Variants in ARMC2 observed in about 807,000 individuals in gnomAD.
ARMC2 encodes armadillo repeat-containing protein 2.
ARMC2 carries 67 observed loss-of-function variants against 90.3 expected under a neutral mutation model. That is an observed-to-expected ratio of 0.74 (90% CI 0.61 to 0.91). The LOEUF (loss-of-function observed/expected upper bound fraction) is 0.91. ARMC2 is among the 40% of genes least tolerant of loss of function. The pLI is 0.00. For synonymous variants in ARMC2, 393 were observed against 393.0 expected (o/e 1.00, Z 0.00); for missense variants, 920 against 1,030.9 (o/e 0.89, Z 1.47).
chr6:108,868,594 C>T (rs1175725345), intron 3 of ARMC2, among the ~76,000 whole-genome samples: 1 of 152,148 alleles, frequency 6.6e-6, no homozygotes, highest in African/African-American at 2.4e-5. Flanking sequence ...GGTAATAGCA[C>T]AGCAGAGTAG....
chr6:109,009,804 C>T, the ARMC2 span, among the ~76,000 whole-genome samples: 1 of 152,094 alleles, frequency 6.6e-6, no homozygotes, highest in African/African-American at 2.4e-5. Flanking sequence ...GGTGAGCGTG[C>T]ACTGTCAGGA....
At chr6:108,980,713 T>A in the ARMC2 span, among the ~76,000 whole-genome samples, 1 of 152,058 alleles carries the variant, frequency 6.6e-6, no homozygotes, top group South Asian at 2.1e-4. Flanking sequence ...AGAGGAGGAA[T>A]CTAGAGAGGC....
chr6:109,000,546 T>C, the ARMC2 span: 1 of 1,611,260 alleles, frequency 6.2e-7, no homozygotes, highest in Non-Finnish European at 8.5e-7. Context: ...TTTGTTAAGT[T>C]CTCCTAAATT....
intron 1 of ARMC2, 91 bp downstream of exon 1, chr6:108,848,637 C>T (rs1193917489): frequency 6.6e-6 from 1 of 152,536 alleles, no homozygotes. Flanking sequence ...CGGCCTGGCC[C>T]TGCGGTCTGG....
Position 108,889,215 on chromosome 6 carries a change from G to A in ARMC2, c.672-5252G>A, listed in dbSNP as rs889838292. The stretch of plus-strand genomic sequence containing the variant: ...AGGCTGGAGTGAAGTGTGCAATCTC[G>A]GCTCATTGCAACTTCTGCCCCCTGG... On this transcript the variant is annotated intron_variant, in intron 5 of 17. Coordinates refer to ENST00000392644, the MANE Select transcript of ARMC2 (RefSeq NM_032131.6). 2.6e-5 allele frequency among the ~76,000 whole-genome samples: 4 copies of A among 151,988 alleles called. No individual in the cohort carries two copies. The East Asian group carries it at 5.8e-4, about 22-fold the overall frequency.
At chr6:109,030,207 A>G in the ARMC2 span, among the ~76,000 whole-genome samples, 1 of 152,230 alleles carries the variant, frequency 6.6e-6, no homozygotes, top group African/African-American at 2.4e-5. Context: ...GTACATAACA[A>G]GAAAGCCATT....
chr6:108,893,071 T>C (rs2128456314), intron 5 of ARMC2, among the ~76,000 whole-genome samples: 1 of 152,366 alleles, frequency 6.6e-6, no homozygotes, highest in South Asian at 2.1e-4. Context: ...TTTGTGCACA[T>C]ATTTAAAAGT....
chr6:108,978,388 A>T (rs1331772886), downstream of ARMC2, among the ~76,000 whole-genome samples: 1 of 152,064 alleles, frequency 6.6e-6, no homozygotes, highest in Non-Finnish European at 1.5e-5. Context: ...GTTCTTTTCC[A>T]TCTGCTGAGG....
chr6:109,045,168 C>A, the ARMC2 span, among the ~76,000 whole-genome samples: 1 of 152,168 alleles, frequency 6.6e-6, no homozygotes, highest in East Asian at 1.9e-4. Context: ...TAGCTAGGCT[C>A]CTCTGACACC....
the ARMC2 span, among the ~76,000 whole-genome samples, chr6:109,007,923 G>A: frequency 1.3e-5 from 2 of 151,536 alleles, no homozygotes; most frequent in Non-Finnish European, 2.9e-5. Flanking sequence ...TCTTGAAAGT[G>A]TTTAATTTAA....
At position 108,928,186 on chromosome 6, in the gene ARMC2, G is replaced by A. The variant is rs776371385; in HGVS notation, c.1449G>A (p.Gln483=). The part of the protein sequence containing the change: ...ALPQLCTAME[Q]YKGDKDVCTN... ...CCCAGCTCTGCACGGCAATGGAACA[G>A]TACAAGGGTGACAAGGACGTCTGTA... Residue 483 remains glutamine, a synonymous_variant, in exon 11 of 18, where the codon CAG becomes CAA. Transcript: ENST00000392644. 4 of 1,598,504 alleles carry A rather than the reference G, an allele frequency of 2.5e-6. No homozygotes were observed. The highest frequency in any genetic ancestry group is 1.7e-5 in the Admixed American group (1 of 57,468).
At chr6:108,989,582 TATAGAGAGAG>T in the ARMC2 span, among the ~76,000 whole-genome samples, 51 of 150,990 alleles carry the variant, frequency 3.4e-4, no homozygotes, top group Non-Finnish European at 6.0e-4. Flanking sequence ...GATATCTATA[TATAGAGAGAG>T]ATAGAGAGAG....
intron 7 of ARMC2, among the ~76,000 whole-genome samples, chr6:108,903,100 G>A (rs899453630): frequency 2.0e-5 from 3 of 152,082 alleles, no homozygotes; most frequent in African/African-American, 7.2e-5. Flanking sequence ...CCTGAGAGGT[G>A]GAGGTTGCAG....
At chr6:109,026,044 AAG>A in the ARMC2 span, among the ~76,000 whole-genome samples, 3 of 152,172 alleles carry the variant, frequency 2.0e-5, no homozygotes, top group African/African-American at 7.2e-5. Flanking sequence ...ATTTCAAGGA[AAG>A]AGATCTTAAA....
intron 7 of ARMC2, among the ~76,000 whole-genome samples, chr6:108,900,105 G>GTGGC (rs1409904534): frequency 6.6e-6 from 1 of 152,108 alleles, no homozygotes; most frequent in Non-Finnish European, 1.5e-5. Flanking sequence ...CCTCTCTCAG[G>GTGGC]TGGCTCTTCA....
chr6:108,983,464 A>ACG, the ARMC2 span, among the ~76,000 whole-genome samples: 1 of 152,116 alleles, frequency 6.6e-6, no homozygotes, highest in East Asian at 1.9e-4. Context: ...ATTCTTTTGC[A>ACG]TGTGCATATC....
At position 108,918,311 on chromosome 6, in the gene ARMC2, C is replaced by T. The variant is rs148050727; in HGVS notation, c.1350+5753C>T. Among the ~76,000 whole-genome samples the T allele has an allele frequency of 5.6e-3, 859 of 152,042 alleles. 12 individuals carry two copies. The highest frequency in any genetic ancestry group is 0.019 in the African/African-American group (796 of 41,476). On this transcript the variant is annotated intron_variant, in intron 10 of 17. Coordinates refer to ENST00000392644, the MANE Select transcript of ARMC2 (RefSeq NM_032131.6). ...CAGCTTTGGCAAATGCTACAGAGAG[C>T]GTGTAGGAGAAGAGGGATCCCACCA... is the stretch of plus-strand genomic sequence containing the variant.
At chr6:108,998,449 G>T in the ARMC2 span, 3 of 1,584,088 alleles carry the variant, frequency 1.9e-6, no homozygotes, top group Non-Finnish European at 2.6e-6. Context: ...GCCAACTGAA[G>T]AAATAATATA....
chr6:108,894,431 C>A (rs1433896418), intron 5 of ARMC2, 36 bp from the exon 6 acceptor site: 1 of 1,556,814 alleles, frequency 6.4e-7, no homozygotes, highest in Admixed American at 2.0e-5. Flanking sequence ...GAAGTGTTTT[C>A]ATGTTTGCGC....
Sources: gnomAD v4.1 joint callset for allele counts (sites outside exome capture counted in the v4.1 genomes callset) on GRCh38, gnomAD v4.1.1 for gene constraint, MANE v1.5 for transcripts, NCBI Gene and HGNC (gene_info 2026-07-23, HGNC 2026-07-21) for gene names.